The following PPARGC1A variants were observed in gnomAD, a reference collection of about 807,000 sequenced individuals.
The protein encoded by PPARGC1A is peroxisome proliferator-activated receptor gamma coactivator 1-alpha.
PPARGC1A carries 25 observed loss-of-function variants against 88.7 expected under a neutral mutation model. The ratio of observed to expected loss-of-function variants is 0.28; its 90% confidence interval spans 0.21 to 0.39. The LOEUF (loss-of-function observed/expected upper bound fraction) is 0.39, where lower values mean the gene tolerates loss of function less well. Among genes scored for constraint, PPARGC1A ranks in the 10% least tolerant of loss-of-function variants. The pLI is 1.00. For synonymous variants in PPARGC1A, 363 were observed against 355.6 expected (o/e 1.02, Z -0.24); for missense variants, 880 against 968.7 (o/e 0.91, Z 1.22).
the PPARGC1A span, among the ~76,000 whole-genome samples, chr4:24,278,689 A>G: frequency 2.6e-5 from 4 of 152,188 alleles, no homozygotes; most frequent in Non-Finnish European, 5.9e-5. Flanking sequence ...GGCTCCAAGC[A>G]AAGGTCAGCT....
the PPARGC1A span, among the ~76,000 whole-genome samples, chr4:24,328,752 T>C: frequency 6.6e-6 from 1 of 152,226 alleles, no homozygotes; most frequent in East Asian, 1.9e-4. Flanking sequence ...ACTCCTTGCA[T>C]GAATGGAGTT....
the PPARGC1A span, among the ~76,000 whole-genome samples, chr4:24,152,727 C>T: frequency 6.6e-6 from 1 of 152,090 alleles, no homozygotes; most frequent in African/African-American, 2.4e-5. Context: ...GTTGAGATTC[C>T]AATCACTGCA....
chr4:24,042,345 CA>C, the PPARGC1A span, among the ~76,000 whole-genome samples: 1 of 152,136 alleles, frequency 6.6e-6, no homozygotes, highest in African/African-American at 2.4e-5. Flanking sequence ...TTCAAATAGT[CA>C]TCCTCTCTGC....
chr4:24,440,799 CA>C, the PPARGC1A span, among the ~76,000 whole-genome samples: 4,571 of 147,512 alleles, frequency 0.031, 175 homozygotes, highest in Admixed American at 0.11. Flanking sequence ...AAGACTCTGT[CA>C]AAAAAACACA....
the PPARGC1A span, among the ~76,000 whole-genome samples, chr4:24,148,828 G>A: frequency 1.3e-5 from 2 of 152,210 alleles, no homozygotes; most frequent in Non-Finnish European, 2.9e-5. Flanking sequence ...TGTCAAGGCA[G>A]ATGAAAAATA....
the PPARGC1A span, among the ~76,000 whole-genome samples, chr4:24,032,580 C>T: frequency 6.6e-6 from 1 of 152,224 alleles, no homozygotes; most frequent in Non-Finnish European, 1.5e-5. Flanking sequence ...TGGTGACAGC[C>T]TTCAGCAGCT....
At chr4:24,382,306 A>C in the PPARGC1A span, among the ~76,000 whole-genome samples, 20 of 152,298 alleles carry the variant, frequency 1.3e-4, no homozygotes, top group South Asian at 4.1e-3. Flanking sequence ...CAAACCAAAA[A>C]ACTCTTAAAG....
the PPARGC1A span, among the ~76,000 whole-genome samples, chr4:24,127,480 G>T: frequency 6.6e-6 from 1 of 151,546 alleles, no homozygotes; most frequent in Admixed American, 6.6e-5. Flanking sequence ...ATCATTTTTT[G>T]TTATTAGAAT....
chr4:24,226,626 A>T, the PPARGC1A span, among the ~76,000 whole-genome samples: 2 of 152,236 alleles, frequency 1.3e-5, no homozygotes, highest in African/African-American at 4.8e-5. Context: ...ACATTTCTAC[A>T]GCAAAGCTGG....
At chr4:24,063,202 A>C in the PPARGC1A span, among the ~76,000 whole-genome samples, 1 of 152,160 alleles carries the variant, frequency 6.6e-6, no homozygotes, top group Admixed American at 6.5e-5. Flanking sequence ...TGCCCCAGCC[A>C]CAGTTCTGAG....
intron 2 of PPARGC1A, among the ~76,000 whole-genome samples, chr4:23,873,557 T>G (rs548095315): frequency 6.6e-6 from 1 of 152,296 alleles, no homozygotes; most frequent in East Asian, 1.9e-4. Flanking sequence ...CAAGCACATT[T>G]CATTCATCCT....
At chr4:23,967,462 C>G in the PPARGC1A span, among the ~76,000 whole-genome samples, 2 of 152,120 alleles carry the variant, frequency 1.3e-5, no homozygotes, top group African/African-American at 4.8e-5. Flanking sequence ...CGCATGCAGA[C>G]AACAGCAGCT....
chr4:24,034,457 G>A, the PPARGC1A span, among the ~76,000 whole-genome samples: 3,392 of 152,202 alleles, frequency 0.022, 64 homozygotes, highest in Middle Eastern at 0.058. Flanking sequence ...TAAACTTTTC[G>A]ATGTGATAAT....
the PPARGC1A span, among the ~76,000 whole-genome samples, chr4:24,213,408 C>T: frequency 6.6e-6 from 1 of 152,028 alleles, no homozygotes; most frequent in Non-Finnish European, 1.5e-5. Flanking sequence ...CCTCGTGATC[C>T]GCCCGCCTCG....
the PPARGC1A span, among the ~76,000 whole-genome samples, chr4:24,348,251 C>T: frequency 2.0e-5 from 3 of 152,176 alleles, no homozygotes; most frequent in African/African-American, 2.4e-5. Flanking sequence ...TTTCCTCCTT[C>T]GTAACTTTGT....
chr4:24,248,104 C>G, the PPARGC1A span, among the ~76,000 whole-genome samples: 3 of 152,044 alleles, frequency 2.0e-5, no homozygotes, highest in Non-Finnish European at 2.9e-5. Flanking sequence ...CCCAAGAGAA[C>G]CCTGTATTTC....
the PPARGC1A span, among the ~76,000 whole-genome samples, chr4:23,934,799 T>C: frequency 6.6e-6 from 1 of 152,200 alleles, no homozygotes; most frequent in Non-Finnish European, 1.5e-5. Flanking sequence ...TTAAGTGGCT[T>C]GCCCAAGACC....
chr4:24,263,605 T>C, the PPARGC1A span, among the ~76,000 whole-genome samples: 11 of 152,030 alleles, frequency 7.2e-5, no homozygotes, highest in Non-Finnish European at 1.3e-4. Context: ...ACCTTGTCCA[T>C]CTCCACTTCT....
chr4:24,454,141 G>A, the PPARGC1A span, among the ~76,000 whole-genome samples: 1 of 151,682 alleles, frequency 6.6e-6, no homozygotes, highest in Non-Finnish European at 1.5e-5. Context: ...CCAGCCAGCA[G>A]TCAGCCATCT....
Sources: allele counts gnomAD v4.1 joint callset (sites outside exome capture counted in the v4.1 genomes callset), GRCh38; gene constraint gnomAD v4.1.1; transcripts MANE v1.5; gene names NCBI Gene and HGNC (gene_info 2026-07-23, HGNC 2026-07-21).